Variants in STRADA observed in about 807,000 individuals in gnomAD.
STRADA encodes STE20 related adaptor alpha.
Under a neutral mutation model 55.0 loss-of-function variants are expected in STRADA, and 26 were observed. The ratio of observed to expected loss-of-function variants is 0.47; its 90% CI spans 0.35 to 0.66. STRADA has a LOEUF of 0.66. STRADA is among the 30% of genes least tolerant of loss of function. The pLI is 0.01. For missense variants in STRADA, 443 were observed against 549.7 expected, an observed-to-expected ratio of 0.81 and a Z score of 1.94; for synonymous variants, 197 against 210.9, an observed-to-expected ratio of 0.93 and a Z score of 0.57.
At chr17:63,736,828 T>TC in intron 1 of STRADA, among the ~76,000 whole-genome samples, 1 of 117,428 alleles carries the variant, frequency 8.5e-6, no homozygotes, top group South Asian at 2.7e-4. Flanking sequence ...GGCCTATTTC[T>TC]TCCCCCCACG....
At chr17:63,732,202 G>C (rs1374166897) in intron 1 of STRADA, among the ~76,000 whole-genome samples, 1 of 151,560 alleles carries the variant, frequency 6.6e-6, no homozygotes, top group Non-Finnish European at 1.5e-5. Context: ...ACGGGGTTTT[G>C]CCATGTTGCC....
chr17:63,707,664 A>T (rs2036195102), intron 8 of STRADA, among the ~76,000 whole-genome samples: 1 of 152,124 alleles, frequency 6.6e-6, no homozygotes, highest in South Asian at 2.1e-4. Context: ...GGTTCAAGCA[A>T]TTCCTGTGCC....
chr17:63,704,190 G>A lies in STRADA; in HGVS notation c.1101-143C>T, dbSNP rs1409090931. 3 of 1,520,100 alleles carry A rather than the reference G, an allele frequency of 2.0e-6. No homozygotes were observed. In the African/African-American group the frequency reaches 4.1e-5, roughly 21 times the overall value. 94.2% of individuals were successfully genotyped at this position (1,520,100 alleles called of 1,614,324 possible). A position where few individuals can be genotyped will look rare whatever the true frequency, so the allele number is the denominator to read the frequency against. ...GCAGTGGCCAGAGCTCCCCAGGCTG[G>A]CCTCTGACACACCCAGGAGCTGATC... On this transcript the variant is annotated intron_variant, in intron 11 of 12. Transcript: ENST00000336174.
At chr17:63,732,486 T>TAAA (rs78463501) in intron 1 of STRADA, among the ~76,000 whole-genome samples, 2 of 139,284 alleles carry the variant, frequency 1.4e-5, no homozygotes, top group Non-Finnish European at 3.1e-5. Flanking sequence ...CCTGGCTAGT[T>TAAA]AAAAAAAAAA....
intron 1 of STRADA, among the ~76,000 whole-genome samples, chr17:63,731,992 G>A (rs2038093069): frequency 6.6e-6 from 1 of 152,162 alleles, no homozygotes; most frequent in Non-Finnish European, 1.5e-5. Context: ...AGCCTCCTGA[G>A]TAGCTGGGAC....
intron 6 of STRADA, chr17:63,711,053 A>T: frequency 1.5e-5 from 8 of 548,890 alleles, no homozygotes; most frequent in Non-Finnish European, 2.3e-5. Flanking sequence ...CAGATAGGGA[A>T]ACTGCCAACA....
rs2037672756 is a variant in STRADA at position 63,726,538 on chromosome 17, T to G, written c.94+100A>C. On this transcript the variant is annotated intron_variant, in intron 3 of 12. Coordinates refer to ENST00000336174, the MANE Select transcript of STRADA (RefSeq NM_001003787.4). ...GAAATCCAACAACTGTAGGTTACAC[T>G]TGCCCTTAGAATTGCCAATTGCTAT... 1.7e-5 allele frequency: 19 copies of G among 1,137,034 alleles called. No individual in the cohort carries two copies. In the South Asian group the frequency reaches 2.6e-4, roughly 16 times the overall value. The allele number at this position is 1,137,034 out of a possible 1,614,324, so 70.4% of individuals were successfully genotyped here. A position where few individuals can be genotyped will look rare whatever the true frequency, so the allele number is the denominator to read the frequency against.
intron 10 of STRADA, 55 bp downstream of exon 10, chr17:63,706,580 G>A (rs747317931): frequency 1.2e-4 from 154 of 1,303,142 alleles, no homozygotes; most frequent in Non-Finnish European, 1.6e-4. Context: ...GCTACTCAAC[G>A]AACATCTGTG....
At chr17:63,741,620 G>T (rs2038956615) in intron 1 of STRADA, 121 bp downstream of exon 1, 2 of 153,000 alleles carry the variant, frequency 1.3e-5, no homozygotes, top group African/African-American at 2.4e-5. Context: ...GGCCCGTGGA[G>T]GGTGAGGTGA....
Position 63,703,667 on chromosome 17 carries a change from C to T in STRADA, c.1228G>A (p.Asp410Asn). The change falls in exon 13 of 13, where the codon GAC (aspartate) becomes AAC (asparagine). Residue 410 changes from aspartate (D) to asparagine (N), a missense_variant. Physicochemically the swap from Asp to Asn is conservative, Grantham distance 23 (BLOSUM62 1). Transcript: ENST00000336174. The stretch of plus-strand genomic sequence containing the variant: ...ACCAGGCCAAAGATTCCACTGTGGT[C>T]CTGAGACTGGCTGCCCTCAAAATTG... ...ITNFEGSQSQ[D>N]HSGIFGLVTN... 2 of 1,614,210 alleles carry T rather than the reference C, an allele frequency of 1.2e-6. No individual in the cohort carries two copies. The highest frequency in any genetic ancestry group is 1.7e-6 in the Non-Finnish European group (2 of 1,180,024).
intron 1 of STRADA, chr17:63,737,247 T>TAAAA (rs1320645169): frequency 1.3e-4 from 1 of 7,944 alleles, no homozygotes; most frequent in East Asian, 2.1e-3. Flanking sequence ...ACACTCTATC[T>TAAAA]CAAAAAAAAA....
At chr17:63,717,331 G>A (rs961879963) in intron 4 of STRADA, among the ~76,000 whole-genome samples, 10 of 152,034 alleles carry the variant, frequency 6.6e-5, no homozygotes, top group Non-Finnish European at 8.8e-5. Flanking sequence ...TTTTTGAGAC[G>A]GAGTCTCACT....
At chr17:63,739,128 G>A (rs1379178398) in intron 1 of STRADA, among the ~76,000 whole-genome samples, 18 of 117,226 alleles carry the variant, frequency 1.5e-4, no homozygotes, top group African/African-American at 5.1e-4. Flanking sequence ...GCAACAGAGC[G>A]AGACTCCATC....
chr17:63,708,254 C>T (rs1489636354), intron 8 of STRADA, among the ~76,000 whole-genome samples: 3 of 151,724 alleles, frequency 2.0e-5, no homozygotes, highest in Non-Finnish European at 4.4e-5. Context: ...GGCTGGAGTG[C>T]AGTGGCGCAA....
intron 3 of STRADA, chr17:63,726,278 T>C (rs1257034946): frequency 5.3e-6 from 1 of 186,938 alleles, no homozygotes; most frequent in African/African-American, 2.3e-5. Context: ...GATTCATCAA[T>C]AAAACCAGAA....
intron 1 of STRADA, among the ~76,000 whole-genome samples, chr17:63,729,544 GGAGGCT>G (rs2037882842): frequency 6.6e-6 from 1 of 152,068 alleles, no homozygotes; most frequent in South Asian, 2.1e-4. Context: ...CAGCACTTTG[GGAGGCT>G]GAGGTGGGTG....
intron 10 of STRADA, 42 bp from the exon 11 acceptor site, chr17:63,704,624 G>C (rs372457035): frequency 1.1e-4 from 121 of 1,140,034 alleles, no homozygotes; most frequent in East Asian, 3.0e-4. Flanking sequence ...AGCGGGTGGG[G>C]GGGGGGGGTG....
At chr17:63,734,834 G>C (rs774539770) in intron 1 of STRADA, among the ~76,000 whole-genome samples, 70 of 151,872 alleles carry the variant, frequency 4.6e-4, no homozygotes, top group Non-Finnish European at 9.1e-4. Context: ...TAGAAAAATA[G>C]AAGCTATTAG....
chr17:63,738,847 A>AATAATT (rs986075132), intron 1 of STRADA, among the ~76,000 whole-genome samples: 1 of 150,294 alleles, frequency 6.7e-6, no homozygotes, highest in Non-Finnish European at 1.5e-5. Flanking sequence ...TAATAATAAT[A>AATAATT]ATAATAATAA....
Sources: allele counts gnomAD v4.1 joint callset (sites outside exome capture counted in the v4.1 genomes callset), GRCh38; gene constraint gnomAD v4.1.1; transcripts MANE v1.5; gene names NCBI Gene and HGNC (gene_info 2026-07-23, HGNC 2026-07-21).